Variants in CRPPA observed in about 807,000 individuals in gnomAD.
CRPPA encodes the protein CDP-L-ribitol pyrophosphorylase A.
In CRPPA, 43 loss-of-function variants were observed where a neutral mutation model predicts 52.0. That is an observed-to-expected ratio of 0.83 (90% CI 0.65 to 1.07). The LOEUF is 1.07. Among genes scored for constraint, CRPPA ranks in the 50% least tolerant of loss-of-function variants. The pLI is 0.00. For synonymous variants in CRPPA, 250 were observed against 203.5 expected, an observed-to-expected ratio of 1.23 and a Z score of -1.94; for missense variants, 629 against 551.7, an observed-to-expected ratio of 1.14 and a Z score of -1.40.
intron 9 of CRPPA, among the ~76,000 whole-genome samples, chr7:16,152,584 ATGT>A (rs1388144345): frequency 2.6e-5 from 4 of 152,024 alleles, no homozygotes; most frequent in African/African-American, 9.6e-5. Context: ...TAGGACTGAA[ATGT>A]TGTGAAACTG....
chr7:16,348,319 C>T (rs903994917), intron 3 of CRPPA, among the ~76,000 whole-genome samples: 3 of 152,146 alleles, frequency 2.0e-5, no homozygotes, highest in Admixed American at 1.3e-4. Flanking sequence ...ATAAGCAAGT[C>T]TCTCTAGACT....
chr7:16,286,573 T>C (rs567878149), intron 5 of CRPPA, among the ~76,000 whole-genome samples: 1 of 92,362 alleles, frequency 1.1e-5, no homozygotes, highest in East Asian at 3.2e-4. Flanking sequence ...TTCCTACCAA[T>C]TTCCTGAACC....
At chr7:16,388,432 C>T (rs181175427) in intron 2 of CRPPA, among the ~76,000 whole-genome samples, 217 of 152,016 alleles carry the variant, frequency 1.4e-3, no homozygotes, top group African/African-American at 4.8e-3. Context: ...ACTGTAAATG[C>T]CTATATAAAA....
At chr7:16,335,940 G>A (rs576472409) in intron 3 of CRPPA, among the ~76,000 whole-genome samples, 1 of 152,142 alleles carries the variant, frequency 6.6e-6, no homozygotes, top group African/African-American at 2.4e-5. Flanking sequence ...AACCCCTCAG[G>A]CCAGGATAGA....
intron 9 of CRPPA, among the ~76,000 whole-genome samples, chr7:16,119,769 A>G (rs986454546): frequency 6.6e-6 from 1 of 152,246 alleles, no homozygotes; most frequent in African/African-American, 2.4e-5. Flanking sequence ...TTAATTCACC[A>G]GAGGCCGGTT....
chr7:16,291,527 T>C (rs1156489547), intron 5 of CRPPA, among the ~76,000 whole-genome samples: 6 of 151,732 alleles, frequency 4.0e-5, no homozygotes, highest in African/African-American at 7.3e-5. Context: ...TAATGAAAGA[T>C]AAAGAAAACT....
At chr7:16,380,589 G>A in intron 2 of CRPPA, among the ~76,000 whole-genome samples, 1 of 152,080 alleles carries the variant, frequency 6.6e-6, no homozygotes, top group Non-Finnish European at 1.5e-5. Flanking sequence ...TTGTACCTCT[G>A]GTAGAATTCG....
intron 9 of CRPPA, among the ~76,000 whole-genome samples, chr7:16,206,963 T>A (rs879687067): frequency 6.6e-6 from 1 of 152,138 alleles, no homozygotes; most frequent in South Asian, 2.1e-4. Flanking sequence ...ATGAGATGGA[T>A]GAAAAACTAA....
intron 8 of CRPPA, among the ~76,000 whole-genome samples, chr7:16,221,400 C>A (rs1327716107): frequency 1.3e-5 from 2 of 152,148 alleles, no homozygotes. Flanking sequence ...GACTTCATGT[C>A]CAAAACACCA....
intron 9 of CRPPA, among the ~76,000 whole-genome samples, chr7:16,135,323 G>A (rs1023852154): frequency 6.6e-6 from 1 of 152,098 alleles, no homozygotes; most frequent in Non-Finnish European, 1.5e-5. Context: ...ACTGGTCCTT[G>A]GATGTTTTGT....
At chr7:16,174,807 C>T (rs1360991271) in intron 9 of CRPPA, among the ~76,000 whole-genome samples, 5 of 152,006 alleles carry the variant, frequency 3.3e-5, no homozygotes, top group African/African-American at 7.2e-5. Context: ...TAATATATTC[C>T]AAGCAGAGCT....
At position 16,325,037 on chromosome 7, in the gene CRPPA, A is replaced by T. The variant is rs567996759; in HGVS notation, c.685-16410T>A. Among the ~76,000 whole-genome samples, 55 of 152,332 alleles carry T rather than the reference A, an allele frequency of 3.6e-4. 1 individual carries two copies. Among genetic ancestry groups the T allele is most frequent in the Non-Finnish European group, 6.9e-4 (47 of 68,038 alleles). On this transcript the variant is annotated intron_variant, in intron 3 of 9. Transcript: ENST00000407010. Reference sequence around the variant, plus strand: ...CTAATTCGGCTACTGATGTAGACTTATTCTGAAAGCAGCAAACTTTTTGCT... The same window carrying T: ...CTAATTCGGCTACTGATGTAGACTTTTTCTGAAAGCAGCAAACTTTTTGCT...
chr7:16,103,629 G>A (rs995756643), intron 9 of CRPPA, among the ~76,000 whole-genome samples: 1 of 152,136 alleles, frequency 6.6e-6, no homozygotes, highest in African/African-American at 2.4e-5. Flanking sequence ...AGAAGTAAGT[G>A]TAAGGGACAC....
At chr7:16,146,219 A>AAC (rs1212955731) in intron 9 of CRPPA, among the ~76,000 whole-genome samples, 2 of 151,864 alleles carry the variant, frequency 1.3e-5, no homozygotes, top group African/African-American at 4.8e-5. Flanking sequence ...AAAAAAAAAA[A>AAC]CCTACCAACC....
chr7:16,381,163 T>A (rs1787075730), intron 2 of CRPPA, among the ~76,000 whole-genome samples: 1 of 152,214 alleles, frequency 6.6e-6, no homozygotes, highest in South Asian at 2.1e-4. Flanking sequence ...CTGCTTTGAA[T>A]GAGTCCCACA....
intron 3 of CRPPA, among the ~76,000 whole-genome samples, chr7:16,312,330 C>T (rs897433547): frequency 2.0e-5 from 3 of 152,030 alleles, no homozygotes; most frequent in South Asian, 4.1e-4. Context: ...AGGTTTTGTA[C>T]ATTTTGTTAG....
chr7:16,391,948 A>G (rs1787456980), intron 2 of CRPPA, among the ~76,000 whole-genome samples: 2 of 152,148 alleles, frequency 1.3e-5, no homozygotes, highest in African/African-American at 4.8e-5. Flanking sequence ...AAATTTCAAG[A>G]TGAGGTCAAA....
intron 9 of CRPPA, among the ~76,000 whole-genome samples, chr7:16,112,924 C>T: frequency 6.6e-6 from 1 of 151,956 alleles, no homozygotes; most frequent in East Asian, 1.9e-4. Flanking sequence ...CAGACAAATA[C>T]ATAAATACAG....
intron 9 of CRPPA, among the ~76,000 whole-genome samples, chr7:16,211,463 G>A (rs913705666): frequency 6.6e-6 from 1 of 152,178 alleles, no homozygotes; most frequent in Admixed American, 6.5e-5. Context: ...TCTGCCATAT[G>A]ATTCGGTGCC....
Sources: allele counts gnomAD v4.1 joint callset (sites outside exome capture counted in the v4.1 genomes callset), GRCh38; gene constraint gnomAD v4.1.1; transcripts MANE v1.5; gene names NCBI Gene and HGNC (gene_info 2026-07-23, HGNC 2026-07-21).